SKAP1: variants seen among roughly 807,000 people sequenced by gnomAD.
The protein encoded by SKAP1 is src kinase-associated phosphoprotein 1.
In SKAP1, 44 loss-of-function variants were observed where a neutral mutation model predicts 58.5. The ratio of observed to expected loss-of-function variants is 0.75; its 90% CI spans 0.59 to 0.97. The LOEUF (loss-of-function observed/expected upper bound fraction) is 0.97. SKAP1 is among the 50% of genes least tolerant of loss of function. The probability of loss-of-function intolerance (pLI) is 0.00; values close to 1 mark genes in which losing one functional copy is unlikely to be tolerated. For synonymous variants in SKAP1, 127 were observed against 149.7 expected (o/e 0.85, Z 1.11); for missense variants, 390 against 435.2 (o/e 0.90, Z 0.92).
chr17:48,419,905 C>A (rs1373769762), intron 1 of SKAP1, among the ~76,000 whole-genome samples: 2 of 152,166 alleles, frequency 1.3e-5, no homozygotes, highest in African/African-American at 4.8e-5. Flanking sequence ...TTAGAGTCAG[C>A]AGCCTTGAGG....
intron 2 of SKAP1, among the ~76,000 whole-genome samples, chr17:48,387,385 C>A (rs1248889178): frequency 6.6e-6 from 1 of 152,130 alleles, no homozygotes; most frequent in African/African-American, 2.4e-5. Flanking sequence ...CTAAGACACC[C>A]ATGCCACTAT....
intron 10 of SKAP1, among the ~76,000 whole-genome samples, chr17:48,168,157 CTGA>C (rs1168998655): frequency 6.6e-6 from 1 of 152,082 alleles, no homozygotes; most frequent in African/African-American, 2.4e-5. Context: ...CCCCCCTATT[CTGA>C]TAAGATCTAG....
At chr17:48,367,301 TTC>T (rs963463474) in intron 2 of SKAP1, among the ~76,000 whole-genome samples, 14 of 152,036 alleles carry the variant, frequency 9.2e-5, no homozygotes, top group African/African-American at 3.4e-4. Context: ...AATTAAGTAT[TTC>T]TGTCAAACTT....
At chr17:48,422,417 A>G (rs1001689523) in intron 1 of SKAP1, among the ~76,000 whole-genome samples, 11 of 152,230 alleles carry the variant, frequency 7.2e-5, no homozygotes, top group Non-Finnish European at 1.2e-4. Context: ...TACATACCAG[A>G]TACTGTTCTA....
At chr17:48,363,914 C>T (rs2066969222) in intron 2 of SKAP1, 100 bp from the exon 3 acceptor site, 1 of 887,554 alleles carries the variant, frequency 1.1e-6, no homozygotes, top group Admixed American at 2.6e-5. Context: ...AAAAAGCTTG[C>T]TAAAGTCTAT....
chr17:48,299,512 A>G (rs2066030293), intron 4 of SKAP1, among the ~76,000 whole-genome samples: 1 of 152,144 alleles, frequency 6.6e-6, no homozygotes, highest in Admixed American at 6.6e-5. Context: ...AGAACAGGAG[A>G]CTACTATTAT....
At chr17:48,396,273 A>G (rs564090543) in intron 2 of SKAP1, among the ~76,000 whole-genome samples, 2 of 152,306 alleles carry the variant, frequency 1.3e-5, no homozygotes, top group Non-Finnish European at 2.9e-5. Context: ...TAAGTTTTCT[A>G]TGAGGTAAGG....
At chr17:48,158,567 C>CAAAAAAAAAAAAAAAAAAAAA (rs1171183021) in intron 11 of SKAP1, among the ~76,000 whole-genome samples, 1 of 61,512 alleles carries the variant, frequency 1.6e-5, no homozygotes, top group African/African-American at 6.8e-5. Context: ...GACTCTGTCT[C>CAAAAAAAAAAAAAAAAAAAAA]AAAAAAAAAA....
intron 4 of SKAP1, among the ~76,000 whole-genome samples, chr17:48,322,822 G>A (rs911103276): frequency 2.0e-5 from 3 of 152,242 alleles, no homozygotes; most frequent in Non-Finnish European, 2.9e-5. Context: ...ATGGCTGGGC[G>A]TGGCGGCTCA....
upstream of SKAP1, among the ~76,000 whole-genome samples, chr17:48,434,101 G>A (rs115888555): frequency 1.6e-3 from 245 of 152,300 alleles, no homozygotes; most frequent in African/African-American, 5.4e-3. Context: ...GACATGTGGC[G>A]GAGCTGACGT....
chr17:48,407,036 GA>G (rs913775399), intron 1 of SKAP1, among the ~76,000 whole-genome samples: 8 of 152,006 alleles, frequency 5.3e-5, no homozygotes, highest in Non-Finnish European at 1.0e-4. Flanking sequence ...AATAAAACCA[GA>G]ACTTGATATT....
intron 3 of SKAP1, among the ~76,000 whole-genome samples, chr17:48,353,290 C>T (rs2066827427): frequency 6.6e-6 from 1 of 152,104 alleles, no homozygotes. Context: ...TTAAATATAG[C>T]ATTGACCTGG....
At chr17:48,435,329 GCTGACT>G in the SKAP1 span, among the ~76,000 whole-genome samples, 1 of 151,810 alleles carries the variant, frequency 6.6e-6, no homozygotes, top group Non-Finnish European at 1.5e-5. Flanking sequence ...CAAAGAGGTT[GCTGACT>G]CTGACATTCT....
chr17:48,399,716 A>T (rs2067470995), intron 1 of SKAP1, among the ~76,000 whole-genome samples: 1 of 151,410 alleles, frequency 6.6e-6, no homozygotes, highest in South Asian at 2.1e-4. Flanking sequence ...GCAGTGAGCC[A>T]TGACTGTGCC....
intron 4 of SKAP1, among the ~76,000 whole-genome samples, chr17:48,196,348 A>G (rs2064629238): frequency 6.6e-6 from 1 of 152,210 alleles, no homozygotes; most frequent in South Asian, 2.1e-4. Context: ...TTTAGTATCT[A>G]TATTTCTTAT....
intron 4 of SKAP1, among the ~76,000 whole-genome samples, chr17:48,300,730 A>C (rs903756741): frequency 3.9e-5 from 6 of 152,198 alleles, no homozygotes; most frequent in South Asian, 2.1e-4. Context: ...TTACTGCTTA[A>C]CAATAATGTG....
chr17:48,290,200 T>C (rs2065882943), intron 4 of SKAP1, among the ~76,000 whole-genome samples: 1 of 152,198 alleles, frequency 6.6e-6, no homozygotes, highest in South Asian at 2.1e-4. Flanking sequence ...TCCTTGATGA[T>C]TAGAAACTAA....
chr17:48,344,657 A>T (rs1477948836), intron 4 of SKAP1, among the ~76,000 whole-genome samples: 1 of 152,236 alleles, frequency 6.6e-6, no homozygotes, highest in Non-Finnish European at 1.5e-5. Context: ...CAATCCAAAC[A>T]ATGTTTTTAG....
intron 4 of SKAP1, among the ~76,000 whole-genome samples, chr17:48,275,342 G>A (rs2065685844): frequency 6.6e-6 from 1 of 152,150 alleles, no homozygotes; most frequent in African/African-American, 2.4e-5. Flanking sequence ...TTTCCTCCCT[G>A]GGTTCTCCTC....
Sources: allele counts gnomAD v4.1 joint callset (sites outside exome capture counted in the v4.1 genomes callset), GRCh38; gene constraint gnomAD v4.1.1; transcripts MANE v1.5; gene names NCBI Gene and HGNC (gene_info 2026-07-23, HGNC 2026-07-21).